Variants in CPED1 observed in about 807,000 individuals in gnomAD.
CPED1 encodes the protein cadherin-like and PC-esterase domain-containing protein 1.
Under a neutral mutation model 128.2 loss-of-function variants are expected in CPED1, and 114 were observed. That is an observed-to-expected ratio of 0.89 (90% confidence interval 0.76 to 1.04). CPED1 has a LOEUF of 1.04. CPED1 is among the 50% of genes least tolerant of loss of function. CPED1 has a pLI of 0.00. For missense variants in CPED1, 1,211 were observed against 1,207.1 expected, an observed-to-expected ratio of 1.00 and a Z score of -0.05; for synonymous variants, 462 against 426.7, an observed-to-expected ratio of 1.08 and a Z score of -1.02.
intron 4 of CPED1, among the ~76,000 whole-genome samples, chr7:121,054,944 T>C (rs1326644364): frequency 6.6e-6 from 1 of 152,186 alleles, no homozygotes; most frequent in Non-Finnish European, 1.5e-5. Flanking sequence ...GTCATATAAG[T>C]AGAGTCATAT....
intron 18 of CPED1, among the ~76,000 whole-genome samples, chr7:121,263,502 C>T (rs1031082930): frequency 1.3e-5 from 2 of 151,938 alleles, no homozygotes; most frequent in African/African-American, 4.8e-5. Context: ...CTGTTTCTCC[C>T]CACTGTACAC....
chr7:121,174,346 T>C (rs769677302), intron 16 of CPED1, among the ~76,000 whole-genome samples: 1 of 152,184 alleles, frequency 6.6e-6, no homozygotes, highest in Non-Finnish European at 1.5e-5. Context: ...AGCGTTATAA[T>C]AGTTTTGGGT....
intron 2 of CPED1, among the ~76,000 whole-genome samples, chr7:120,998,242 G>A (rs1275033910): frequency 1.3e-5 from 2 of 152,118 alleles, no homozygotes; most frequent in Non-Finnish European, 2.9e-5. Flanking sequence ...ATCCAGCTTC[G>A]AATACTTTGT....
chr7:121,142,769 T>C (rs780115701), intron 16 of CPED1, among the ~76,000 whole-genome samples: 24 of 152,068 alleles, frequency 1.6e-4, no homozygotes, highest in Non-Finnish European at 2.8e-4. Context: ...AAGGATCCCA[T>C]GTATAACTTT....
intron 22 of CPED1, among the ~76,000 whole-genome samples, chr7:121,293,870 G>A (rs1792765580): frequency 6.6e-6 from 1 of 151,908 alleles, no homozygotes; most frequent in Non-Finnish European, 1.5e-5. Context: ...AGATGGACCG[G>A]GTACCTCAGT....
intron 8 of CPED1, among the ~76,000 whole-genome samples, chr7:121,124,850 G>T (rs1010968528): frequency 1.3e-5 from 2 of 152,106 alleles, no homozygotes; most frequent in Non-Finnish European, 2.9e-5. Flanking sequence ...ATTTCATAAT[G>T]CAGAGGAGAA....
chr7:121,251,434 C>T (rs1044882438), intron 18 of CPED1, among the ~76,000 whole-genome samples: 1 of 152,084 alleles, frequency 6.6e-6, no homozygotes, highest in African/African-American at 2.4e-5. Context: ...CTCACCACTC[C>T]TATTCAACAT....
chr7:121,162,629 G>C (rs2116440193), intron 16 of CPED1, among the ~76,000 whole-genome samples: 1 of 152,270 alleles, frequency 6.6e-6, no homozygotes, highest in East Asian at 1.9e-4. Context: ...AGATTTCACT[G>C]AAAAAATCCA....
intron 16 of CPED1, among the ~76,000 whole-genome samples, chr7:121,220,107 T>C (rs1439756109): frequency 6.6e-6 from 1 of 152,034 alleles, no homozygotes; most frequent in East Asian, 1.9e-4. Context: ...ATAAGTTTTA[T>C]AAAAGGAAAT....
chr7:121,001,590 T>A (rs1367494023), intron 2 of CPED1, among the ~76,000 whole-genome samples: 1 of 152,096 alleles, frequency 6.6e-6, no homozygotes, highest in African/African-American at 2.4e-5. Context: ...TAGGAAAAAG[T>A]AGGTGGCGTT....
At chr7:121,230,095 G>A (rs775876712) in intron 16 of CPED1, among the ~76,000 whole-genome samples, 1 of 152,008 alleles carries the variant, frequency 6.6e-6, no homozygotes, top group Non-Finnish European at 1.5e-5. Flanking sequence ...ATGGAAAATA[G>A]ACATATTGGT....
At chr7:121,133,934 A>T (rs755120236) in intron 13 of CPED1, 41 bp downstream of exon 13, 6 of 1,267,884 alleles carry the variant, frequency 4.7e-6, no homozygotes, top group Non-Finnish European at 6.6e-6. Flanking sequence ...ACATAAAAAT[A>T]AGTATTTCCT....
At chr7:121,178,886 G>A (rs921996935) in intron 16 of CPED1, among the ~76,000 whole-genome samples, 1 of 152,074 alleles carries the variant, frequency 6.6e-6, no homozygotes, top group Non-Finnish European at 1.5e-5. Flanking sequence ...AGATGCAGGT[G>A]TCAATGGTAT....
At chr7:121,197,125 T>A (rs1343586046) in intron 16 of CPED1, among the ~76,000 whole-genome samples, 1 of 151,458 alleles carries the variant, frequency 6.6e-6, no homozygotes, top group East Asian at 1.9e-4. Context: ...AATCTTTTTT[T>A]TTTTTTTTTT....
chr7:121,244,087 A>T, intron 17 of CPED1, 115 bp from the exon 18 acceptor site: 1 of 1,211,200 alleles, frequency 8.3e-7, no homozygotes, highest in Non-Finnish European at 1.2e-6. Context: ...GATTTAAAGG[A>T]TAAGGATGGT....
intron 22 of CPED1, among the ~76,000 whole-genome samples, chr7:121,275,936 T>TAAA (rs5887026): frequency 1.5e-5 from 2 of 129,436 alleles, no homozygotes; most frequent in African/African-American, 2.8e-5. Flanking sequence ...ATTCATCCGG[T>TAAA]AAAAAAAAAA....
At chr7:121,174,714 G>C (rs538750606) in intron 16 of CPED1, among the ~76,000 whole-genome samples, 1 of 151,814 alleles carries the variant, frequency 6.6e-6, no homozygotes, top group African/African-American at 2.4e-5. Context: ...GGGCTTTTTT[G>C]GTTGTTCCAT....
chr7:120,991,312 T>C (rs528336971), intron 2 of CPED1, among the ~76,000 whole-genome samples: 26 of 152,356 alleles, frequency 1.7e-4, no homozygotes, highest in African/African-American at 6.3e-4. Context: ...ATTGTACATC[T>C]ATTTTTAGGC....
chr7:121,237,158 C>T (rs550250798), intron 17 of CPED1, among the ~76,000 whole-genome samples: 21 of 152,140 alleles, frequency 1.4e-4, no homozygotes, highest in African/African-American at 2.2e-4. Flanking sequence ...AATTTTCTTC[C>T]GTAGCAGTTA....
Sources: gnomAD v4.1 joint callset for allele counts (sites outside exome capture counted in the v4.1 genomes callset) on GRCh38, gnomAD v4.1.1 for gene constraint, MANE v1.5 for transcripts, NCBI Gene and HGNC (gene_info 2026-07-23, HGNC 2026-07-21) for gene names.